Variants in PKP2 observed in about 807,000 individuals in gnomAD.
The protein encoded by PKP2 is plakophilin-2.
A neutral mutation model predicts 83.4 loss-of-function variants in PKP2; 73 were observed. The observed-to-expected ratio is 0.88, with a 90% CI of 0.72 to 1.06. PKP2 has a LOEUF of 1.06. Among genes scored for constraint, PKP2 ranks in the 50% least tolerant of loss-of-function variants. The pLI, the probability that PKP2 is intolerant of heterozygous loss-of-function variation, is 0.00. For missense variants in PKP2, 966 were observed against 1,065.4 expected (o/e 0.91, Z 1.30); for synonymous variants, 409 against 430.4 (o/e 0.95, Z 0.62).
chr12:32,834,309 G>C (rs1004121533), intron 6 of PKP2, among the ~76,000 whole-genome samples: 3 of 152,120 alleles, frequency 2.0e-5, no homozygotes, highest in African/African-American at 7.2e-5. Context: ...AAGTACTCAA[G>C]GAATAACAAT....
chr12:32,812,678 A>G (rs1956287548), intron 9 of PKP2, among the ~76,000 whole-genome samples: 1 of 151,898 alleles, frequency 6.6e-6, no homozygotes, highest in Admixed American at 6.6e-5. Context: ...AATTTTTTGT[A>G]TTTTTAGTAG....
chr12:32,822,665 C>T, intron 7 of PKP2, 34 bp from the exon 8 acceptor site: 1 of 1,606,202 alleles, frequency 6.2e-7, no homozygotes, highest in Non-Finnish European at 8.5e-7. Context: ...TGATCGTATA[C>T]ATATAGATAT....
At chr12:32,858,546 T>G (rs1301732799) in intron 4 of PKP2, among the ~76,000 whole-genome samples, 1 of 152,056 alleles carries the variant, frequency 6.6e-6, no homozygotes, top group Non-Finnish European at 1.5e-5. Flanking sequence ...AAAGTCTAGA[T>G]GTAGGGATAG....
intron 11 of PKP2, 188 bp from the exon 12 acceptor site, chr12:32,792,919 T>C: frequency 4.8e-6 from 3 of 630,098 alleles, no homozygotes; most frequent in African/African-American, 1.8e-5. Flanking sequence ...TATCTGTTTT[T>C]GTTTTCTTTT....
chr12:32,896,476 G>A (rs1235168924), intron 1 of PKP2, 33 bp downstream of exon 1: 1 of 1,434,026 alleles, frequency 7.0e-7, no homozygotes, highest in South Asian at 1.4e-5. Context: ...GTGGGGCAGG[G>A]GGCGGCGCCG....
intron 5 of PKP2, among the ~76,000 whole-genome samples, chr12:32,844,863 A>AC (rs1469215496): frequency 6.6e-6 from 1 of 152,238 alleles, no homozygotes; most frequent in Admixed American, 6.5e-5. Flanking sequence ...TTTTAAAAAA[A>AC]GATTCCAGTT....
At chr12:32,806,499 C>T (rs1456009797) in intron 9 of PKP2, among the ~76,000 whole-genome samples, 1 of 152,162 alleles carries the variant, frequency 6.6e-6, no homozygotes. Flanking sequence ...AGTTTATGTG[C>T]ATAGAGGTAT....
At chr12:32,887,520 C>G (rs541034663) in intron 1 of PKP2, among the ~76,000 whole-genome samples, 31 of 152,330 alleles carry the variant, frequency 2.0e-4, no homozygotes, top group Non-Finnish European at 4.4e-4. Flanking sequence ...GCGGTGCGAT[C>G]TTGGCTCACT....
chr12:32,807,484 T>G (rs1956237022), intron 9 of PKP2, among the ~76,000 whole-genome samples: 1 of 152,218 alleles, frequency 6.6e-6, no homozygotes, highest in African/African-American at 2.4e-5. Flanking sequence ...TTTATCCAGT[T>G]TGCCATTTTG....
At chr12:32,875,869 G>A (rs1204769378) in intron 3 of PKP2, among the ~76,000 whole-genome samples, 2 of 152,134 alleles carry the variant, frequency 1.3e-5, no homozygotes, top group African/African-American at 4.8e-5. Flanking sequence ...TTTCCAGGAG[G>A]TTGTTACATT....
rs1957089748 is a variant in PKP2 at position 32,893,135 on chromosome 12, G to C, written c.223+3374C>G. Among the ~76,000 whole-genome samples, 5 of 152,126 alleles carry C rather than the reference G, an allele frequency of 3.3e-5. No individual in the cohort carries two copies. In the South Asian group the frequency reaches 1.0e-3, roughly 32 times the overall value. On this transcript the variant is annotated intron_variant, in intron 1 of 12. Transcript: ENST00000340811. Reference sequence around the variant, plus strand: ...TAAGGCATTGGAAAGAAGACAAAGGGTTAAAGACTCTTGCAAGATACTTAT... The same window carrying C: ...TAAGGCATTGGAAAGAAGACAAAGGCTTAAAGACTCTTGCAAGATACTTAT...
At chr12:32,857,897 A>T (rs1956763117) in intron 4 of PKP2, among the ~76,000 whole-genome samples, 1 of 150,342 alleles carries the variant, frequency 6.7e-6, no homozygotes, top group Non-Finnish European at 1.5e-5. Flanking sequence ...TTTGTACTAC[A>T]AAATCGAAGC....
intron 10 of PKP2, among the ~76,000 whole-genome samples, chr12:32,796,554 T>A (rs1956126992): frequency 6.6e-6 from 1 of 151,986 alleles, no homozygotes; most frequent in Admixed American, 6.5e-5. Flanking sequence ...GGCTAATTTT[T>A]TTATTTTTTT....
At chr12:32,892,824 G>C (rs1318423908) in intron 1 of PKP2, among the ~76,000 whole-genome samples, 1 of 113,486 alleles carries the variant, frequency 8.8e-6, no homozygotes, top group Non-Finnish European at 1.9e-5. Flanking sequence ...GGGGCGGGGG[G>C]GGGGGGAGAA....
intron 7 of PKP2, 64 bp downstream of exon 7, chr12:32,823,981 C>T: frequency 1.0e-6 from 1 of 985,988 alleles, no homozygotes; most frequent in East Asian, 2.4e-5. Context: ...AACCAAGCGG[C>T]TATCTTAAGA....
intron 9 of PKP2, among the ~76,000 whole-genome samples, chr12:32,819,951 T>C (rs965609348): frequency 2.0e-5 from 3 of 150,944 alleles, no homozygotes; most frequent in African/African-American, 7.3e-5. Flanking sequence ...TTCTATAGTT[T>C]AGCAAAGTAA....
intron 5 of PKP2, among the ~76,000 whole-genome samples, chr12:32,841,979 C>T (rs756466402): frequency 3.9e-5 from 6 of 152,136 alleles, no homozygotes; most frequent in Admixed American, 6.6e-5. Flanking sequence ...CCTCTTGAAT[C>T]CCCCATATTA....
chr12:32,842,149 C>A (rs1383868757), intron 5 of PKP2, among the ~76,000 whole-genome samples: 2 of 152,152 alleles, frequency 1.3e-5, no homozygotes, highest in African/African-American at 2.4e-5. Context: ...AAATTTGGAG[C>A]TCGAATCCTT....
chr12:32,855,754 C>T lies in PKP2; in HGVS notation c.1171-4781G>A, dbSNP rs548519945. Among the ~76,000 whole-genome samples the T allele has an allele frequency of 1.9e-3, 206 of 110,222 alleles. 1 individual carries two copies. The highest frequency in any genetic ancestry group is 8.5e-3 in the African/African-American group (199 of 23,390). 72.3% of individuals were successfully genotyped at this position (110,222 alleles called of 152,430 possible). On this transcript the variant is annotated intron_variant, in intron 4 of 12. Coordinates refer to ENST00000340811, the MANE Select transcript of PKP2 (RefSeq NM_001005242.3). ...TCAAGCCTCTGCACTCCAGCCTGGG[C>T]GACAGAGAGACTCCATCTCAAAAAA...
Sources: gnomAD v4.1 joint callset for allele counts (sites outside exome capture counted in the v4.1 genomes callset) on GRCh38, gnomAD v4.1.1 for gene constraint, MANE v1.5 for transcripts, NCBI Gene and HGNC (gene_info 2026-07-23, HGNC 2026-07-21) for gene names.